The following DONSON variants were observed in gnomAD, a reference collection of about 807,000 sequenced individuals.
DONSON encodes DNA replication fork stabilization factor DONSON.
DONSON carries 43 observed loss-of-function variants against 62.1 expected under a neutral mutation model. The observed-to-expected ratio is 0.69, with a 90% CI of 0.54 to 0.89. DONSON has a LOEUF of 0.89. Among genes scored for constraint, DONSON ranks in the 40% least tolerant of loss-of-function variants. The probability of loss-of-function intolerance (pLI) is 0.00; values close to 1 mark genes in which losing one functional copy is unlikely to be tolerated. For missense variants in DONSON, 696 were observed against 697.5 expected, an observed-to-expected ratio of 1.00 and a Z score of 0.03; for synonymous variants, 266 against 264.6, an observed-to-expected ratio of 1.01 and a Z score of -0.05.
Position 33,578,278 on chromosome 21 carries a change from A to G in DONSON, c.*29T>C. Reference sequence around the variant, plus strand: ...TCCTTGCTAGAAGGCTTTTTTCCTCAAAGATTCCTTTTAGGCTTACTTTGG... The same window carrying G: ...TCCTTGCTAGAAGGCTTTTTTCCTCGAAGATTCCTTTTAGGCTTACTTTGG... On this transcript the variant is annotated 3_prime_UTR_variant, in exon 10 of 10. Coordinates refer to ENST00000303071, the MANE Select transcript of DONSON (RefSeq NM_017613.4). 6.3e-7 allele frequency: 1 copy of G among 1,594,892 alleles called. No individual in the cohort carries two copies. The highest frequency in any genetic ancestry group is 8.5e-7 in the Non-Finnish European group (1 of 1,170,450).
rs1232888398 is a variant in DONSON, at chr21:33,578,273, TCCTCAAAGA to T, written c.*25_*33del. On this transcript the variant is annotated 3_prime_UTR_variant, in exon 10 of 10. Transcript: ENST00000303071. ...GAATTTCCTTGCTAGAAGGCTTTTT[TCCTCAAAGA>T]TTCCTTTTAGGCTTACTTTGGTGTT... 1.3e-6 allele frequency: 2 copies of T among 1,593,922 alleles called. No homozygotes were observed. Among genetic ancestry groups the T allele is most frequent in the Admixed American group, 1.8e-5 (1 of 57,052 alleles).
intron 8 of DONSON, 125 bp downstream of exon 8, chr21:33,581,177 T>C (rs1049094159): frequency 5.8e-6 from 5 of 856,520 alleles, no homozygotes; most frequent in Non-Finnish European, 8.7e-6. Flanking sequence ...CTTTTTTTAA[T>C]GGGAGGAAAG....
chr21:33,586,260 G>T, intron 2 of DONSON, 79 bp from the exon 3 acceptor site: 1 of 1,150,746 alleles, frequency 8.7e-7, no homozygotes, highest in South Asian at 1.3e-5. Context: ...CAGCTAACAT[G>T]ATCACTGAAA....
At position 33,577,656 on chromosome 21, in the gene DONSON, C is replaced by CCCCTATA. The variant is rs1569072959; in HGVS notation, c.*650_*651insTATAGGG. Reference sequence around the variant, plus strand: ...ACACACACACACACACACACACACACACACACACACACACACACACACACA... The same window carrying CCCCTATA: ...ACACACACACACACACACACACACACCCCTATAACACACACACACACACACACACACA... On this transcript the variant is annotated 3_prime_UTR_variant, in exon 10 of 10. Transcript: ENST00000303071. The CCCCTATA allele has an allele frequency of 7.4e-5, 7 of 95,156 alleles. No individual in the cohort carries two copies. Among genetic ancestry groups the CCCCTATA allele is most frequent in the Admixed American group, 3.8e-4 (4 of 10,578 alleles). 5.9% of individuals were successfully genotyped at this position (95,156 alleles called of 1,614,324 possible). A position where few individuals can be genotyped will look rare whatever the true frequency, so the allele number is the denominator to read the frequency against.
intron 8 of DONSON, among the ~76,000 whole-genome samples, chr21:33,580,743 G>A (rs1345586218): frequency 3.3e-5 from 5 of 152,076 alleles, no homozygotes; most frequent in East Asian, 3.9e-4. Flanking sequence ...TTAGCTGGGC[G>A]TGGTGGTGCC....
Position 33,588,532 on chromosome 21 carries a change from CG to C in DONSON, c.109del (p.Arg37ValfsTer3). ...GCGGGCCGCCGGCTCCGTCAGCTCA[CG>C]GGGCGGGGAGGCGGCAGCTCCACGG... is the stretch of plus-strand genomic sequence containing the variant. ...RSRGAAASPPRELTEPAARRA... is the reference protein window; with the variant it reads ...RSRGAAASPPXELTEPAARRA... On this transcript the variant is annotated frameshift_variant, in exon 1 of 10. Transcript: ENST00000303071. LOFTEE classifies it high-confidence loss of function. 1 of 1,252,750 alleles carries C rather than the reference CG, an allele frequency of 8.0e-7. No homozygotes were observed. The highest frequency in any genetic ancestry group is 1.0e-6 in the Non-Finnish European group (1 of 999,240). The allele number at this position is 1,252,750 out of a possible 1,614,324, so 77.6% of individuals were successfully genotyped here. A position where few individuals can be genotyped will look rare whatever the true frequency, so the allele number is the denominator to read the frequency against.
rs778020919 is a variant in DONSON, at chr21:33,588,361, G to T, written c.281C>A (p.Pro94His). ...CGGCTGCTCGCGGGCCGGCCCGTCG[G>T]GGGGCTCCGCGGCGACCCGCGGTCG... Reference protein sequence around the residue: ...DNRPRVAAEPPDGPAREQPEA... With the variant: ...DNRPRVAAEPHDGPAREQPEA... The change falls in exon 1 of 10, where the codon CCC (proline) becomes CAC (histidine). Residue 94 changes from proline (P) to histidine (H), a missense_variant. By Grantham distance (77) the Pro-to-His change is moderately conservative. Coordinates refer to ENST00000303071, the MANE Select transcript of DONSON (RefSeq NM_017613.4). The T allele has an allele frequency of 2.3e-6, 3 of 1,293,838 alleles. No individual in the cohort carries two copies. The highest frequency in any genetic ancestry group is 3.0e-5 in the East Asian group (1 of 33,066). 80.1% of individuals were successfully genotyped at this position (1,293,838 alleles called of 1,614,324 possible). A position where few individuals can be genotyped will look rare whatever the true frequency, so the allele number is the denominator to read the frequency against.
Position 33,584,782 on chromosome 21 carries a change from G to A in DONSON, c.607-14C>T. ...GAGTTTGGGATCCTAAAATCCAAAG[G>A]TGACAGTGGGCAGTTTTTGCCCATT... On this transcript the variant is annotated splice_polypyrimidine_tract_variant and intron_variant, in intron 3 of 9. Transcript: ENST00000303071. 1 of 1,483,568 alleles carries A rather than the reference G, an allele frequency of 6.7e-7. No individual in the cohort carries two copies. The highest frequency in any genetic ancestry group is 9.0e-7 in the Non-Finnish European group (1 of 1,105,896). The allele number at this position is 1,483,568 out of a possible 1,614,324, so 91.9% of individuals were successfully genotyped here.
chr21:33,583,422 T>C, intron 5 of DONSON, 66 bp downstream of exon 5: 1 of 1,275,308 alleles, frequency 7.8e-7, no homozygotes, highest in African/African-American at 1.5e-5. Context: ...TAAATTTAAA[T>C]AGCTTTTAGG....
intron 2 of DONSON, 33 bp from the exon 3 acceptor site, chr21:33,586,214 A>G (rs2086575867): frequency 1.3e-6 from 2 of 1,587,466 alleles, no homozygotes; most frequent in South Asian, 2.2e-5. Context: ...AAATTAGTCG[A>G]GTATCAAGAA....
Position 33,588,600 on chromosome 21 carries a change from C to G in DONSON, c.42G>C (p.Lys14Asn), listed in dbSNP as rs2145910309. Residue 14 changes from lysine to asparagine, a missense_variant, in exon 1 of 10, where the codon AAG becomes AAC. Physicochemically the swap from Lys to Asn is moderately conservative, Grantham distance 94. Transcript: ENST00000303071. ...SVPGYSPGFR[K>N]PPEVVRLRRK... ...GTCGGAGCCGCACTACCTCGGGCGG[C>G]TTTCGGAAGCCCGGTGAGTAGCCGG... The G allele has an allele frequency of 8.0e-7, 1 of 1,249,468 alleles. No individual in the cohort carries two copies. The highest frequency in any genetic ancestry group is 1.0e-6 in the Non-Finnish European group (1 of 995,736). 77.4% of individuals were successfully genotyped at this position (1,249,468 alleles called of 1,614,324 possible).
Position 33,588,609 on chromosome 21 carries a change from G to A in DONSON, c.33C>T (p.Gly11=). The A allele has an allele frequency of 8.0e-7, 1 of 1,248,208 alleles. No individual in the cohort carries two copies. Among genetic ancestry groups the A allele is most frequent in the East Asian group, 3.2e-5 (1 of 31,452 alleles). The allele number at this position is 1,248,208 out of a possible 1,614,324, so 77.3% of individuals were successfully genotyped here. Reference sequence around the variant, plus strand: ...GCACTACCTCGGGCGGCTTTCGGAAGCCCGGTGAGTAGCCGGGCACCGAAA... The same window carrying A: ...GCACTACCTCGGGCGGCTTTCGGAAACCCGGTGAGTAGCCGGGCACCGAAA... MALSVPGYSP[G]FRKPPEVVRL... is the part of the protein sequence containing the mutation. Residue 11 remains glycine (G), a synonymous_variant, in exon 1 of 10, where the codon GGC becomes GGT. Coordinates refer to ENST00000303071, the MANE Select transcript of DONSON (RefSeq NM_017613.4).
chr21:33,580,233 T>C (rs959717283), intron 8 of DONSON, among the ~76,000 whole-genome samples: 6 of 137,160 alleles, frequency 4.4e-5, no homozygotes, highest in African/African-American at 1.6e-4. Flanking sequence ...CGTCTCTAAA[T>C]AGATAGATGA....
rs892246576 is a variant in DONSON at position 33,584,536 on chromosome 21, C to T, written c.785+54G>A. ...CCAGTCACAAATATGATAGAGAATGCTGCTAAAATAAAATTCACTATTGAA... is the reference window on the plus strand; with the variant it reads ...CCAGTCACAAATATGATAGAGAATGTTGCTAAAATAAAATTCACTATTGAA... On this transcript the variant is annotated intron_variant, in intron 4 of 9. Transcript: ENST00000303071. 1.5e-5 allele frequency: 22 copies of T among 1,446,520 alleles called. No homozygotes were observed. In the Admixed American group the frequency reaches 3.7e-4, roughly 25 times the overall value. 89.6% of individuals were successfully genotyped at this position (1,446,520 alleles called of 1,614,324 possible).
In DONSON at chr21:33,588,351, C is replaced by A; in HGVS notation, c.291G>T (p.Pro97=). 7.7e-7 allele frequency: 1 copy of A among 1,292,866 alleles called. No homozygotes were observed. Among genetic ancestry groups the A allele is most frequent in the Non-Finnish European group, 9.8e-7 (1 of 1,024,798 alleles). 80.1% of individuals were successfully genotyped at this position (1,292,866 alleles called of 1,614,324 possible). Residue 97 remains proline, a synonymous_variant, in exon 1 of 10, where the codon CCG becomes CCT. Transcript: ENST00000303071. ...CCGGGGCCTCCGGCTGCTCGCGGGC[C>A]GGCCCGTCGGGGGGCTCCGCGGCGA... ...PRVAAEPPDG[P]AREQPEAPVP...
Position 33,582,023 on chromosome 21 carries a change from T to G in DONSON, c.1079A>C (p.Glu360Ala). Residue 360 changes from glutamate (E) to alanine (A), a missense_variant, in exon 7 of 10, where the codon GAA (glutamate) becomes GCA (alanine). Physicochemically the swap from Glu to Ala is moderately radical, Grantham distance 107. Transcript: ENST00000303071. ...EQAISDEDEE[E>A]SFSWLEEMGV... ...CATCTCTTCCAGCCAGGAAAAACTT[T>G]CCTCTTCATCCTCATCACTGATGGC... The G allele has an allele frequency of 6.2e-7, 1 of 1,614,168 alleles. No homozygotes were observed. Among genetic ancestry groups the G allele is most frequent in the Non-Finnish European group, 8.5e-7 (1 of 1,180,006 alleles).
chr21:33,588,630 C>A lies in DONSON; in HGVS notation c.12G>T (p.Ser4=). MAL[S]VPGYSPGFRK... ...GGAAGCCCGGTGAGTAGCCGGGCAC[C>A]GAAAGGGCCATGACGCGCGGCGGCT... Residue 4 remains serine (S), a synonymous_variant, in exon 1 of 10, where the codon TCG becomes TCT. Transcript: ENST00000303071. 3 of 1,240,208 alleles carry A rather than the reference C, an allele frequency of 2.4e-6. No homozygotes were observed. Among genetic ancestry groups the A allele is most frequent in the Non-Finnish European group, 3.0e-6 (3 of 991,428 alleles). The allele number at this position is 1,240,208 out of a possible 1,614,324, so 76.8% of individuals were successfully genotyped here. A position where few individuals can be genotyped will look rare whatever the true frequency, so the allele number is the denominator to read the frequency against.
chr21:33,582,451 G>T (rs919246177), intron 5 of DONSON, among the ~76,000 whole-genome samples: 1 of 152,060 alleles, frequency 6.6e-6, no homozygotes, highest in East Asian at 1.9e-4. Context: ...ACACATACAT[G>T]TAACACTCTT....
rs1756214588 is a variant in DONSON, at chr21:33,578,397, A to G, written c.1611T>C (p.Thr537=). 1.2e-6 allele frequency: 2 copies of G among 1,614,058 alleles called. No individual in the cohort carries two copies. Among genetic ancestry groups the G allele is most frequent in the South Asian group, 1.1e-5 (1 of 91,078 alleles). Residue 537 remains threonine (T), a synonymous_variant, in exon 10 of 10, where the codon ACT becomes ACC. Transcript: ENST00000303071. ...ELTNCGLHPN[T]LEQLSQIPLL... ...ACGGTATTTGACTAAGTTGCTCCAG[A>G]GTGTTAGGGTGCAAACCACAGTTAG...
Sources: allele counts gnomAD v4.1 joint callset (sites outside exome capture counted in the v4.1 genomes callset), GRCh38; gene constraint gnomAD v4.1.1; transcripts MANE v1.5; gene names NCBI Gene and HGNC (gene_info 2026-07-23, HGNC 2026-07-21).